USP44: variants seen among roughly 807,000 people sequenced by gnomAD.
USP44 encodes ubiquitin carboxyl-terminal hydrolase 44.
USP44 carries 61 observed loss-of-function variants against 69.0 expected under a neutral mutation model. The observed-to-expected ratio is 0.88, with a 90% CI of 0.72 to 1.09. USP44 has a LOEUF of 1.09. USP44 is among the 50% of genes least tolerant of loss of function. USP44 has a pLI of 0.00. For synonymous variants in USP44, 297 were observed against 295.4 expected, an observed-to-expected ratio of 1.01 and a Z score of -0.06; for missense variants, 753 against 849.9, an observed-to-expected ratio of 0.89 and a Z score of 1.42.
At chr12:95,536,382 CCT>C (rs201100648) in intron 1 of USP44, among the ~76,000 whole-genome samples, 1,797 of 152,146 alleles carry the variant, frequency 0.012, 25 homozygotes, top group African/African-American at 0.041. Flanking sequence ...TAAATTTACT[CCT>C]CTCTCTAAAA....
chr12:95,529,822 A>C (rs2076964066), intron 2 of USP44, among the ~76,000 whole-genome samples: 1 of 151,966 alleles, frequency 6.6e-6, no homozygotes, highest in Admixed American at 6.6e-5. Context: ...CTATCTTTTC[A>C]TTATGCAGAT....
At chr12:95,538,367 AAAT>A (rs2077273646) in intron 1 of USP44, among the ~76,000 whole-genome samples, 1 of 152,092 alleles carries the variant, frequency 6.6e-6, no homozygotes, top group Admixed American at 6.6e-5. Context: ...AATAGTAATA[AAAT>A]AATAATAAAT....
At chr12:95,542,945 A>C (rs1320918254) in intron 1 of USP44, among the ~76,000 whole-genome samples, 1 of 144,598 alleles carries the variant, frequency 6.9e-6, no homozygotes, top group Non-Finnish European at 1.5e-5. Context: ...AAAATTAGCC[A>C]GGTATGGTGG....
intron 1 of USP44, among the ~76,000 whole-genome samples, chr12:95,539,530 G>T (rs2077322039): frequency 1.3e-5 from 2 of 152,108 alleles, no homozygotes; most frequent in Non-Finnish European, 2.9e-5. Context: ...CCGGCCCAAT[G>T]AAATGGCTTT....
intron 1 of USP44, among the ~76,000 whole-genome samples, chr12:95,550,996 T>C (rs1362782295): frequency 6.6e-6 from 1 of 152,202 alleles, no homozygotes; most frequent in African/African-American, 2.4e-5. Flanking sequence ...TTACTACTTA[T>C]TCAACTTTGA....
intron 1 of USP44, among the ~76,000 whole-genome samples, chr12:95,547,484 A>G (rs1403154343): frequency 2.0e-5 from 3 of 152,358 alleles, no homozygotes; most frequent in East Asian, 1.9e-4. Flanking sequence ...CTCTTTCAAG[A>G]TTCAACTGAA....
Position 95,533,255 on chromosome 12 carries a change from C to A in USP44, c.1002G>T (p.Met334Ile). 6.2e-7 allele frequency: 1 copy of A among 1,614,174 alleles called. No homozygotes were observed. Among genetic ancestry groups the A allele is most frequent in the Non-Finnish European group, 8.5e-7 (1 of 1,180,030 alleles). The change falls in exon 2 of 6, where the codon ATG (methionine) becomes ATT (isoleucine). Residue 334 changes from methionine (M) to isoleucine (I), a missense_variant. Transcript: ENST00000258499. Reference sequence around the variant, plus strand: ...CTGTATCTTTTTCCTGACATTCATTCATTTGATATACTACTGTATCTGTGA... The same window carrying A: ...CTGTATCTTTTTCCTGACATTCATTAATTTGATATACTACTGTATCTGTGA... ...PPVTDTVVYQ[M>I]NECQEKDTGF... is the part of the protein sequence containing the mutation.
rs1408402374 is a variant in USP44, at chr12:95,517,193, T to C, written c.*961A>G. On this transcript the variant is annotated 3_prime_UTR_variant, in exon 6 of 6. Coordinates refer to ENST00000258499, the MANE Select transcript of USP44 (RefSeq NM_032147.5). ...GCAAGAGTAAATCAAGCTTTAGTTA[T>C]TTAGAATGAGATGCTAGACATAATA... 1.3e-5 allele frequency: 2 copies of C among 152,094 alleles called. No homozygotes were observed. The highest frequency in any genetic ancestry group is 1.3e-4 in the Admixed American group (2 of 15,284). The allele number at this position is 152,094 out of a possible 1,614,324, so 9.4% of individuals were successfully genotyped here.
In USP44 at chr12:95,539,456, G is replaced by C. The variant is rs566711312; in HGVS notation, c.-70-5130C>G. Reference sequence around the variant, plus strand: ...TTAGCCAGGATGGTCTCGATCTCCTGACCTTGTGATCTGCCCGCCTCGGCC... The same window carrying C: ...TTAGCCAGGATGGTCTCGATCTCCTCACCTTGTGATCTGCCCGCCTCGGCC... On this transcript the variant is annotated intron_variant, in intron 1 of 5. Transcript: ENST00000258499. Among the ~76,000 whole-genome samples the C allele has an allele frequency of 6.2e-4, 94 of 152,172 alleles. No homozygotes were observed. The Middle Eastern group carries it at 0.01, about 17-fold the overall frequency.
chr12:95,529,142 CT>C, intron 2 of USP44, 140 bp from the exon 3 acceptor site: 2 of 731,552 alleles, frequency 2.7e-6, no homozygotes, highest in South Asian at 6.8e-5. Flanking sequence ...GCTTTATATT[CT>C]TGTCAGGAAA....
chr12:95,551,157 ATTTG>A (rs1172338524), intron 1 of USP44, 111 bp downstream of exon 1: 1 of 151,690 alleles, frequency 6.6e-6, no homozygotes, highest in Non-Finnish European at 1.5e-5. Context: ...AAATTTTCCT[ATTTG>A]TTTTTTAACC....
chr12:95,548,209 A>T lies in USP44; in HGVS notation c.-71+3063T>A, dbSNP rs2077636640. 6.6e-6 allele frequency: 1 copy of T among 152,122 alleles called. No homozygotes were observed. The allele number at this position is 152,122 out of a possible 1,614,324, so 9.4% of individuals were successfully genotyped here. On this transcript the variant is annotated intron_variant, in intron 1 of 5. Transcript: ENST00000258499. The surrounding 1 kb of genome is among the most constrained non-coding windows in gnomAD (Gnocchi z 4.1). ...GACGCCGGGAAGCGCATTCCTCCTC[A>T]ACCGAGTGCCACAACCGCCCTCCCG... is the stretch of plus-strand genomic sequence containing the variant.
intron 3 of USP44, 43 bp downstream of exon 3, chr12:95,528,764 A>G: frequency 1.9e-6 from 3 of 1,555,718 alleles, no homozygotes; most frequent in Non-Finnish European, 2.6e-6. Context: ...GTTTCTCTTT[A>G]TCATTCCTAG....
chr12:95,518,406 A>G, intron 5 of USP44, 53 bp from the exon 6 acceptor site: 3 of 1,566,792 alleles, frequency 1.9e-6, no homozygotes, highest in Admixed American at 3.6e-5. Context: ...AAATTCTAGT[A>G]TGAAAGGCAT....
At position 95,534,017 on chromosome 12, in the gene USP44, G is replaced by C. The variant is rs765929407; in HGVS notation, c.240C>G (p.Tyr80Ter). 4 of 1,613,950 alleles carry C rather than the reference G, an allele frequency of 2.5e-6. No homozygotes were observed. Among genetic ancestry groups the C allele is most frequent in the South Asian group, 1.1e-5 (1 of 91,084 alleles). The change falls in exon 2 of 6, where the codon TAC becomes TAG. Residue 80 changes from tyrosine (Y) to a stop codon, truncating the protein, a stop_gained. Transcript: ENST00000258499. LOFTEE classifies it high-confidence loss of function. ...LEVNEMYVFC[Y>*]LCDDYVLNDN... Reference sequence around the variant, plus strand: ...CATTCAGAACATAATCATCACAAAGGTAACAAAAAACGTACATCTCATTCA... The same window carrying C: ...CATTCAGAACATAATCATCACAAAGCTAACAAAAAACGTACATCTCATTCA...
intron 2 of USP44, among the ~76,000 whole-genome samples, chr12:95,531,669 A>G (rs1056603448): frequency 6.6e-6 from 1 of 152,218 alleles, no homozygotes; most frequent in African/African-American, 2.4e-5. Flanking sequence ...GATATTCCTT[A>G]AGAAGAATTA....
At chr12:95,520,503 AG>A (rs1237921201) in intron 5 of USP44, among the ~76,000 whole-genome samples, 1 of 152,010 alleles carries the variant, frequency 6.6e-6, no homozygotes, top group Non-Finnish European at 1.5e-5. Flanking sequence ...CAAAAAAAAA[AG>A]GTGTTGGGGG....
chr12:95,523,515 T>C (rs1447284880), intron 4 of USP44, among the ~76,000 whole-genome samples: 1 of 152,132 alleles, frequency 6.6e-6, no homozygotes, highest in African/African-American at 2.4e-5. Flanking sequence ...ATTCGTATTC[T>C]CTGTTGTAAG....
At chr12:95,518,404 G>A (rs781424798) in intron 5 of USP44, 51 bp from the exon 6 acceptor site, 2 of 1,575,330 alleles carry the variant, frequency 1.3e-6, no homozygotes, top group East Asian at 2.2e-5. Context: ...GAAAATTCTA[G>A]TATGAAAGGC....
Sources: gnomAD v4.1 joint callset for allele counts (sites outside exome capture counted in the v4.1 genomes callset) on GRCh38, gnomAD v4.1.1 for gene constraint, Gnocchi (gnomAD v3.1) non-coding constraint, MANE v1.5 for transcripts, NCBI Gene and HGNC (gene_info 2026-07-23, HGNC 2026-07-21) for gene names.